The following ZNF215 variants were observed in gnomAD, a reference collection of about 807,000 sequenced individuals.
The protein encoded by ZNF215 is BWSCR2-associated zinc finger protein 2.
ZNF215 carries 24 observed loss-of-function variants against 27.2 expected under a neutral mutation model. That is an observed-to-expected ratio of 0.88 (90% confidence interval 0.64 to 1.24). The LOEUF is 1.24. Ranked by LOEUF, ZNF215 falls within the 50% of genes most tolerant of loss-of-function variation. ZNF215 has a pLI of 0.00. For missense variants in ZNF215, 675 were observed against 605.7 expected, an observed-to-expected ratio of 1.11 and a Z score of -1.20; for synonymous variants, 210 against 204.0, an observed-to-expected ratio of 1.03 and a Z score of -0.25.
At chr11:6,934,548 C>T (rs1301839330) in intron 3 of ZNF215, among the ~76,000 whole-genome samples, 1 of 152,114 alleles carries the variant, frequency 6.6e-6, no homozygotes, top group African/African-American at 2.4e-5. Flanking sequence ...TTATGTTCCC[C>T]TTCCCCTGTC....
chr11:6,962,544 G>C (rs996873827), downstream of ZNF215, among the ~76,000 whole-genome samples: 14 of 152,096 alleles, frequency 9.2e-5, no homozygotes, highest in African/African-American at 3.4e-4. Context: ...ACTGGTTTCT[G>C]TACTCTATTA....
intron 5 of ZNF215, among the ~76,000 whole-genome samples, chr11:6,982,117 T>C (rs1262779822): frequency 6.6e-6 from 1 of 151,970 alleles, no homozygotes; most frequent in Non-Finnish European, 1.5e-5. Context: ...CATATGAACT[T>C]TAAAGTAGTT....
At chr11:6,959,985 A>G (rs1177521215), downstream of ZNF215, among the ~76,000 whole-genome samples, 1 of 152,092 alleles carries the variant, frequency 6.6e-6, no homozygotes, top group East Asian at 1.9e-4. Context: ...ACATATATGA[A>G]TATATATGAT....
rs1294500556 is a variant in ZNF215, at chr11:6,955,864, C to G, written c.887C>G (p.Thr296Ser). The G allele has an allele frequency of 1.2e-6, 2 of 1,610,696 alleles. No individual in the cohort carries two copies. The highest frequency in any genetic ancestry group is 1.1e-5 in the South Asian group (1 of 89,938). The change falls in exon 7 of 7, where the codon ACT becomes AGT. Residue 296 changes from threonine (T) to serine (S), a missense_variant. By Grantham distance (58) the Thr-to-Ser change is moderately conservative. Coordinates refer to ENST00000278319, the MANE Select transcript of ZNF215 (RefSeq NM_013250.4). ...GCTTTCATTCCTGAGACAATTTACA[C>G]TGAGGAGGAAGATTTTGAATGTAGT... ...QEAFIPETIY[T>S]EEEDFECSEN...
intron 4 of ZNF215, 86 bp from the exon 5 acceptor site, chr11:6,942,997 C>T (rs1030445060): frequency 2.1e-5 from 32 of 1,534,228 alleles, no homozygotes; most frequent in African/African-American, 9.7e-5. Context: ...TATTCTGGCT[C>T]CTACCCTATT....
chr11:6,956,641 G>T lies in ZNF215; in HGVS notation c.*110G>T. ...ATATAATGTAAGAAAACATTTGTCA[G>T]ATTTTTCTTTAAATGATATCACAGA... On this transcript the variant is annotated 3_prime_UTR_variant, in exon 7 of 7. Coordinates refer to ENST00000278319, the MANE Select transcript of ZNF215 (RefSeq NM_013250.4). The T allele has an allele frequency of 7.1e-7, 1 of 1,411,844 alleles. No individual in the cohort carries two copies. The highest frequency in any genetic ancestry group is 2.5e-5 in the East Asian group (1 of 39,856). 87.5% of individuals were successfully genotyped at this position (1,411,844 alleles called of 1,614,324 possible). A position where few individuals can be genotyped will look rare whatever the true frequency, so the allele number is the denominator to read the frequency against.
intron 5 of ZNF215, among the ~76,000 whole-genome samples, chr11:6,973,292 A>G (rs1382285995): frequency 6.6e-6 from 1 of 152,184 alleles, no homozygotes; most frequent in African/African-American, 2.4e-5. Flanking sequence ...AATCCAGTCT[A>G]TCATTGATGG....
chr11:6,935,331 T>C (rs1050159345), intron 3 of ZNF215, among the ~76,000 whole-genome samples: 1 of 152,218 alleles, frequency 6.6e-6, no homozygotes, highest in Non-Finnish European at 1.5e-5. Flanking sequence ...TAAAAGTGTC[T>C]GAGTGAGTGT....
intron 6 of ZNF215, among the ~76,000 whole-genome samples, chr11:6,951,134 C>A (rs1025826978): frequency 9.2e-5 from 14 of 152,170 alleles, no homozygotes; most frequent in African/African-American, 3.1e-4. Context: ...ATTTGCTTTG[C>A]CAGTATTTTA....
In ZNF215 at chr11:6,955,771, A is replaced by C; in HGVS notation, c.794A>C (p.Asp265Ala). The change falls in exon 7 of 7, where the codon GAT becomes GCT. Residue 265 changes from aspartate (D) to alanine (A), a missense_variant. Coordinates refer to ENST00000278319, the MANE Select transcript of ZNF215 (RefSeq NM_013250.4). Reference sequence around the variant, plus strand: ...ACCGAAAGTGGACACCCTTCTTCAGATGCCTGGAAAGGTGAGAATTGGTTA... The same window carrying C: ...ACCGAAAGTGGACACCCTTCTTCAGCTGCCTGGAAAGGTGAGAATTGGTTA... ...RLTESGHPSS[D>A]AWKGENWLYR... 1 of 1,611,880 alleles carries C rather than the reference A, an allele frequency of 6.2e-7. No homozygotes were observed. Among genetic ancestry groups the C allele is most frequent in the Non-Finnish European group, 8.5e-7 (1 of 1,179,460 alleles).
At chr11:6,931,484 C>G (rs1849258116) in intron 2 of ZNF215, among the ~76,000 whole-genome samples, 1 of 152,218 alleles carries the variant, frequency 6.6e-6, no homozygotes, top group Non-Finnish European at 1.5e-5. Context: ...TCTTGCAAGT[C>G]TAAATGTTCA....
At chr11:6,928,131 T>C (rs543992631) in intron 2 of ZNF215, among the ~76,000 whole-genome samples, 2 of 152,214 alleles carry the variant, frequency 1.3e-5, no homozygotes, top group East Asian at 1.9e-4. Flanking sequence ...GTAATAAATA[T>C]GGTTTCCACT....
chr11:6,981,680 T>TG (rs1476302648), intron 5 of ZNF215, among the ~76,000 whole-genome samples: 1 of 152,208 alleles, frequency 6.6e-6, no homozygotes, highest in African/African-American at 2.4e-5. Context: ...ATGAAGTCCT[T>TG]GCCCATGCCT....
Position 6,956,975 on chromosome 11 carries a change from A to G in ZNF215, c.*444A>G. 6.1e-6 allele frequency: 6 copies of G among 989,080 alleles called. No individual in the cohort carries two copies. The highest frequency in any genetic ancestry group is 7.2e-6 in the Non-Finnish European group (6 of 832,124). 61.3% of individuals were successfully genotyped at this position (989,080 alleles called of 1,614,324 possible). On this transcript the variant is annotated 3_prime_UTR_variant, in exon 7 of 7. Transcript: ENST00000278319. ...CAAGAAATCATTAGCTCATGCGAATATAAGAGAATACTTCTAAGGACAGAA... is the reference window on the plus strand; with the variant it reads ...CAAGAAATCATTAGCTCATGCGAATGTAAGAGAATACTTCTAAGGACAGAA...
Position 6,943,164 on chromosome 11 carries a change from T to A in ZNF215, c.565T>A (p.Tyr189Asn). ...GQLDSAVKNLYRNVMLENFRN... is the reference protein window; with the variant it reads ...GQLDSAVKNLNRNVMLENFRN... ...ACTGGACTCTGCTGTAAAGAACCTG[T>A]ACAGGAATGTGATGCTGGAAAACTT... The change falls in exon 5 of 7, where the codon TAC becomes AAC. Residue 189 changes from tyrosine to asparagine, a missense_variant. By Grantham distance (143) the Tyr-to-Asn change is moderately radical. Transcript: ENST00000278319. 2 of 1,613,988 alleles carry A rather than the reference T, an allele frequency of 1.2e-6. No homozygotes were observed. Among genetic ancestry groups the A allele is most frequent in the Non-Finnish European group, 1.7e-6 (2 of 1,179,950 alleles).
At chr11:6,949,909 A>G (rs1027555332) in intron 6 of ZNF215, among the ~76,000 whole-genome samples, 2 of 152,090 alleles carry the variant, frequency 1.3e-5, no homozygotes, top group Non-Finnish European at 1.5e-5. Context: ...TAATTTTTGT[A>G]TAAGGTGTAA....
chr11:6,949,508 A>G (rs1439401958), intron 6 of ZNF215, among the ~76,000 whole-genome samples: 2 of 152,130 alleles, frequency 1.3e-5, no homozygotes, highest in African/African-American at 4.8e-5. Context: ...AGTGATGGTG[A>G]GCATTTTTTC....
intron 3 of ZNF215, among the ~76,000 whole-genome samples, chr11:6,936,036 GA>G (rs1849425672): frequency 6.6e-6 from 1 of 152,078 alleles, no homozygotes; most frequent in Non-Finnish European, 1.5e-5. Flanking sequence ...GACATACAGT[GA>G]AGGCATGGCT....
intron 6 of ZNF215, among the ~76,000 whole-genome samples, chr11:6,953,950 AACAG>A (rs1850202615): frequency 6.6e-6 from 1 of 152,066 alleles, no homozygotes. Context: ...TTTTCCTTCT[AACAG>A]ACAGGACCCT....
Sources: allele counts gnomAD v4.1 joint callset (sites outside exome capture counted in the v4.1 genomes callset), GRCh38; gene constraint gnomAD v4.1.1; transcripts MANE v1.5; gene names NCBI Gene and HGNC (gene_info 2026-07-23, HGNC 2026-07-21).